Variants in NALCN observed in about 807,000 individuals in gnomAD.
NALCN encodes sodium leak channel, non-selective, also known as sodium leak channel NALCN.
NALCN carries 111 observed loss-of-function variants against 225.3 expected under a neutral mutation model. The observed-to-expected ratio is 0.49, with a 90% CI of 0.42 to 0.58. NALCN has a LOEUF of 0.58. Among genes scored for constraint, NALCN ranks in the 20% least tolerant of loss-of-function variants. The pLI is 0.00. For missense variants in NALCN, 1,378 were observed against 2,202.4 expected, an observed-to-expected ratio of 0.63 and a Z score of 7.49; for synonymous variants, 764 against 769.0, an observed-to-expected ratio of 0.99 and a Z score of 0.11.
At chr13:101,161,611 C>A (rs1198615812) in intron 15 of NALCN, among the ~76,000 whole-genome samples, 1 of 152,194 alleles carries the variant, frequency 6.6e-6, no homozygotes, top group African/African-American at 2.4e-5. Flanking sequence ...GTGGCTCATG[C>A]CTGTAATCCC....
chr13:101,194,857 A>T (rs1186126085), intron 13 of NALCN, among the ~76,000 whole-genome samples: 1 of 152,126 alleles, frequency 6.6e-6, no homozygotes, highest in Non-Finnish European at 1.5e-5. Context: ...TACAAAAATT[A>T]GCCAGTTGTG....
chr13:101,099,796 G>C (rs1489189955), intron 27 of NALCN, among the ~76,000 whole-genome samples: 3 of 152,132 alleles, frequency 2.0e-5, no homozygotes, highest in Non-Finnish European at 4.4e-5. Context: ...GCTCTCCACT[G>C]TTATCTCCAG....
chr13:101,090,012 C>A, intron 28 of NALCN, 46 bp from the exon 29 acceptor site: 1 of 1,611,154 alleles, frequency 6.2e-7, no homozygotes, highest in Non-Finnish European at 8.5e-7. Flanking sequence ...CAATAAGCAG[C>A]ACCCGAAGGC....
intron 7 of NALCN, among the ~76,000 whole-genome samples, chr13:101,328,201 CA>C (rs554673283): frequency 1.3e-5 from 2 of 152,148 alleles, no homozygotes; most frequent in South Asian, 4.1e-4. Context: ...CAAAGCAGTG[CA>C]AGAAATAGTA....
chr13:101,225,364 G>T (rs1382450671), intron 13 of NALCN, among the ~76,000 whole-genome samples: 2 of 152,146 alleles, frequency 1.3e-5, no homozygotes, highest in Non-Finnish European at 2.9e-5. Context: ...CGTTGGACTA[G>T]TTCCTCCTAA....
At chr13:101,269,955 T>C (rs767351735) in intron 10 of NALCN, among the ~76,000 whole-genome samples, 9 of 152,084 alleles carry the variant, frequency 5.9e-5, no homozygotes, top group Non-Finnish European at 1.2e-4. Context: ...AATAAGAATA[T>C]TAGTCCTTCC....
intron 28 of NALCN, 108 bp from the exon 29 acceptor site, chr13:101,090,074 GTA>G: frequency 2.2e-6 from 3 of 1,368,858 alleles, no homozygotes; most frequent in South Asian, 1.3e-5. Context: ...GTGTGTGTGT[GTA>G]TATACACACA....
chr13:101,313,016 G>C (rs2044408215), intron 7 of NALCN, among the ~76,000 whole-genome samples: 1 of 152,110 alleles, frequency 6.6e-6, no homozygotes, highest in African/African-American at 2.4e-5. Flanking sequence ...AGAGCCCTCA[G>C]AAATAATGCC....
At chr13:101,210,538 G>A (rs1262454021) in intron 13 of NALCN, among the ~76,000 whole-genome samples, 1 of 151,816 alleles carries the variant, frequency 6.6e-6, no homozygotes, top group Admixed American at 6.6e-5. Flanking sequence ...TTTACCTTTT[G>A]CATTTGTCTG....
intron 9 of NALCN, among the ~76,000 whole-genome samples, chr13:101,284,629 T>G (rs1485831744): frequency 6.6e-6 from 1 of 152,210 alleles, no homozygotes; most frequent in East Asian, 1.9e-4. Context: ...GTGTAATTAT[T>G]TTAACTAGGC....
intron 7 of NALCN, among the ~76,000 whole-genome samples, chr13:101,324,498 C>A (rs2044870209): frequency 6.6e-6 from 1 of 152,134 alleles, no homozygotes; most frequent in Non-Finnish European, 1.5e-5. Flanking sequence ...CCTTCACATC[C>A]CTTGTAAGTT....
At chr13:101,417,126 A>C (rs925932246), upstream of NALCN, among the ~76,000 whole-genome samples, 1 of 152,170 alleles carries the variant, frequency 6.6e-6, no homozygotes, top group Non-Finnish European at 1.5e-5. Flanking sequence ...CCTGGACAGC[A>C]GACTGCATCT....
chr13:101,241,391 C>T (rs868700034), intron 11 of NALCN, among the ~76,000 whole-genome samples: 4 of 152,230 alleles, frequency 2.6e-5, no homozygotes, highest in South Asian at 2.1e-4. Flanking sequence ...TCCAACCCCA[C>T]GAGTGGGCAG....
At chr13:101,238,291 A>G (rs1467054006) in intron 11 of NALCN, among the ~76,000 whole-genome samples, 1 of 151,914 alleles carries the variant, frequency 6.6e-6, no homozygotes, top group East Asian at 1.9e-4. Context: ...TTTAATGTAC[A>G]TGGCATATTA....
chr13:101,279,715 G>A (rs1231950354), intron 10 of NALCN, among the ~76,000 whole-genome samples: 2 of 149,118 alleles, frequency 1.3e-5, no homozygotes, highest in African/African-American at 4.9e-5. Flanking sequence ...TACTTGGGAG[G>A]CTGAGGCAGG....
chr13:101,171,085 G>C (rs1268230235), intron 15 of NALCN, among the ~76,000 whole-genome samples: 1 of 151,970 alleles, frequency 6.6e-6, no homozygotes, highest in Non-Finnish European at 1.5e-5. Flanking sequence ...TTTTGTTGTA[G>C]CCTCTATACC....
At chr13:101,058,891 C>G (rs1237769928) in intron 42 of NALCN, 1 of 152,286 alleles carries the variant, frequency 6.6e-6, no homozygotes, top group Non-Finnish European at 1.5e-5. Flanking sequence ...CCGCAGAAGT[C>G]CCTGCAGTCG....
intron 1 of NALCN, among the ~76,000 whole-genome samples, chr13:101,410,693 A>T (rs754998175): frequency 6.6e-6 from 1 of 152,220 alleles, no homozygotes; most frequent in African/African-American, 2.4e-5. Flanking sequence ...AAGTAATCTC[A>T]TGTGAATTTC....
At chr13:101,276,755 G>A (rs149806914) in intron 10 of NALCN, among the ~76,000 whole-genome samples, 1 of 152,144 alleles carries the variant, frequency 6.6e-6, no homozygotes, top group East Asian at 1.9e-4. Flanking sequence ...TCTTTTATGT[G>A]CCCTAATTCA....
Sources: gnomAD v4.1 joint callset for allele counts (sites outside exome capture counted in the v4.1 genomes callset) on GRCh38, gnomAD v4.1.1 for gene constraint, MANE v1.5 for transcripts, NCBI Gene and HGNC (gene_info 2026-07-23, HGNC 2026-07-21) for gene names.